The following IQCJ variants were observed in gnomAD, a reference collection of about 807,000 sequenced individuals.
IQCJ encodes IQ domain-containing protein J.
Under a neutral mutation model 11.0 loss-of-function variants are expected in IQCJ, and 9 were observed. The ratio of observed to expected loss-of-function variants is 0.82; its 90% CI spans 0.49 to 1.43. The LOEUF is 1.43. Among genes scored for constraint, IQCJ ranks in the 40% most tolerant of loss-of-function variants. IQCJ has a pLI of 0.00. For missense variants in IQCJ, 146 were observed against 133.2 expected, an observed-to-expected ratio of 1.10 and a Z score of -0.47; for synonymous variants, 55 against 51.3, an observed-to-expected ratio of 1.07 and a Z score of -0.31.
At chr3:159,126,719 C>T (rs918711580) in intron 1 of IQCJ, among the ~76,000 whole-genome samples, 5 of 152,308 alleles carry the variant, frequency 3.3e-5, no homozygotes, top group Non-Finnish European at 5.9e-5. Flanking sequence ...GCACCCTAGG[C>T]TTTCTGTCAG....
At chr3:159,201,721 G>T in intron 1 of IQCJ, among the ~76,000 whole-genome samples, 1 of 132,910 alleles carries the variant, frequency 7.5e-6, no homozygotes, top group South Asian at 2.6e-4. Context: ...TGCAAGCTCC[G>T]CCTCCCGGGT....
At chr3:159,103,053 A>G (rs1718028272) in intron 1 of IQCJ, among the ~76,000 whole-genome samples, 1 of 152,194 alleles carries the variant, frequency 6.6e-6, no homozygotes, top group Admixed American at 6.5e-5. Context: ...CTCTAGCACT[A>G]GGCTTTTCAT....
At chr3:159,170,649 T>A (rs1350275973) in intron 1 of IQCJ, among the ~76,000 whole-genome samples, 1 of 152,164 alleles carries the variant, frequency 6.6e-6, no homozygotes, top group Non-Finnish European at 1.5e-5. Flanking sequence ...CACCCTTTTT[T>A]TTTTTTTCTT....
At chr3:159,094,958 A>G (rs1717623745) in intron 1 of IQCJ, among the ~76,000 whole-genome samples, 1 of 151,850 alleles carries the variant, frequency 6.6e-6, no homozygotes, top group South Asian at 2.1e-4. Context: ...TCATGAGAAC[A>G]TTCACCTCTG....
At chr3:159,103,991 G>C (rs962430508) in intron 1 of IQCJ, among the ~76,000 whole-genome samples, 1 of 152,240 alleles carries the variant, frequency 6.6e-6, no homozygotes, top group Non-Finnish European at 1.5e-5. Context: ...GAGGCAGAGA[G>C]AGCCTTCATC....
chr3:159,144,981 A>G (rs1350238813), intron 1 of IQCJ, among the ~76,000 whole-genome samples: 1 of 152,152 alleles, frequency 6.6e-6, no homozygotes, highest in Admixed American at 6.5e-5. Context: ...CATCTGAGTG[A>G]TCATATTCTT....
intron 1 of IQCJ, among the ~76,000 whole-genome samples, chr3:159,177,998 T>G (rs557116977): frequency 6.6e-6 from 1 of 152,316 alleles, no homozygotes; most frequent in African/African-American, 2.4e-5. Context: ...ATGTTCATTT[T>G]TGTGAGACAT....
At chr3:159,121,301 TC>T (rs1719367558) in intron 1 of IQCJ, among the ~76,000 whole-genome samples, 1 of 151,830 alleles carries the variant, frequency 6.6e-6, no homozygotes, top group Non-Finnish European at 1.5e-5. Flanking sequence ...GCCCGGCTAA[TC>T]AAAAAAATTT....
intron 1 of IQCJ, among the ~76,000 whole-genome samples, chr3:159,144,027 C>CA (rs1396501649): frequency 6.6e-6 from 1 of 152,166 alleles, no homozygotes; most frequent in Non-Finnish European, 1.5e-5. Flanking sequence ...CTTTTATAAG[C>CA]ATACTAATCG....
chr3:159,140,002 AT>A (rs1254077444), intron 1 of IQCJ, among the ~76,000 whole-genome samples: 1 of 152,146 alleles, frequency 6.6e-6, no homozygotes, highest in Non-Finnish European at 1.5e-5. Context: ...TAAATAGATA[AT>A]TTTTTATAGA....
At chr3:159,259,112 C>T (rs1158656195) in intron 3 of IQCJ, among the ~76,000 whole-genome samples, 1 of 152,102 alleles carries the variant, frequency 6.6e-6, no homozygotes, top group East Asian at 1.9e-4. Context: ...ATTGGCAACC[C>T]GGACTGCACT....
At chr3:159,256,865 A>T (rs1727925662) in intron 3 of IQCJ, among the ~76,000 whole-genome samples, 3 of 152,200 alleles carry the variant, frequency 2.0e-5, no homozygotes, top group Admixed American at 2.0e-4. Context: ...ATAATAGTTT[A>T]TCTAGGAGCT....
chr3:159,231,432 A>T (rs913846448), intron 1 of IQCJ, among the ~76,000 whole-genome samples: 3 of 152,208 alleles, frequency 2.0e-5, no homozygotes, highest in Non-Finnish European at 4.4e-5. Flanking sequence ...TCTGATAATC[A>T]CATTCTTATG....
chr3:159,116,896 C>T (rs1004307215), intron 1 of IQCJ, among the ~76,000 whole-genome samples: 3 of 151,718 alleles, frequency 2.0e-5, no homozygotes, highest in African/African-American at 7.3e-5. Context: ...TGAGAAGGAT[C>T]ACTGTTTGCT....
intron 1 of IQCJ, among the ~76,000 whole-genome samples, chr3:159,154,443 A>T (rs1169961569): frequency 2.6e-5 from 4 of 152,098 alleles, no homozygotes; most frequent in Non-Finnish European, 1.5e-5. Flanking sequence ...TTTTTTTAAG[A>T]TTCTTAATTG....
intron 1 of IQCJ, among the ~76,000 whole-genome samples, chr3:159,083,274 A>G (rs568815123): frequency 1.6e-4 from 25 of 152,174 alleles, no homozygotes; most frequent in Non-Finnish European, 2.5e-4. Context: ...AATAACCCAA[A>G]TAATCCTTTT....
intron 1 of IQCJ, among the ~76,000 whole-genome samples, chr3:159,106,098 TAGG>T (rs1300011036): frequency 6.6e-6 from 1 of 151,986 alleles, no homozygotes; most frequent in Non-Finnish European, 1.5e-5. Flanking sequence ...TGTGTGTATG[TAGG>T]AGAAGAGGAG....
intron 1 of IQCJ, among the ~76,000 whole-genome samples, chr3:159,162,373 A>G (rs1026335949): frequency 1.3e-5 from 2 of 152,196 alleles, no homozygotes; most frequent in African/African-American, 4.8e-5. Flanking sequence ...ATTTTTGTAC[A>G]TTGATTTTGT....
intron 1 of IQCJ, among the ~76,000 whole-genome samples, chr3:159,210,730 G>C (rs1237734240): frequency 6.6e-6 from 1 of 152,110 alleles, no homozygotes; most frequent in Non-Finnish European, 1.5e-5. Context: ...GAGTGCAGTG[G>C]CCCAATCTCG....
Sources: allele counts gnomAD v4.1 joint callset (sites outside exome capture counted in the v4.1 genomes callset), GRCh38; gene constraint gnomAD v4.1.1; transcripts MANE v1.5; gene names NCBI Gene and HGNC (gene_info 2026-07-23, HGNC 2026-07-21).